AGO3: variants seen among roughly 807,000 people sequenced by gnomAD.
AGO3 encodes protein argonaute-3.
Under a neutral mutation model 105.5 loss-of-function variants are expected in AGO3, and 16 were observed. The ratio of observed to expected loss-of-function variants is 0.15; its 90% confidence interval spans 0.10 to 0.23. The LOEUF is 0.23. AGO3 is among the 10% of genes least tolerant of loss of function. AGO3 has a pLI of 1.00. For synonymous variants in AGO3, 340 were observed against 367.3 expected (o/e 0.93, Z 0.85); for missense variants, 534 against 1,088.0 (o/e 0.49, Z 7.16).
chr1:36,030,932 T>C (rs1641745411), intron 12 of AGO3, among the ~76,000 whole-genome samples: 1 of 152,244 alleles, frequency 6.6e-6, no homozygotes, highest in Non-Finnish European at 1.5e-5. Flanking sequence ...GGTAACATTA[T>C]ACCACTTCTT....
chr1:35,946,567 CTCT>C (rs1237996546), intron 2 of AGO3, among the ~76,000 whole-genome samples: 3 of 152,132 alleles, frequency 2.0e-5, no homozygotes, highest in Admixed American at 1.3e-4. Flanking sequence ...TGATCCCAGC[CTCT>C]TCTTATTCAT....
intron 11 of AGO3, among the ~76,000 whole-genome samples, chr1:36,026,314 G>A (rs1028456963): frequency 2.0e-5 from 3 of 151,900 alleles, no homozygotes; most frequent in African/African-American, 7.3e-5. Flanking sequence ...CGCCATGTTG[G>A]CCAAGCTGGT....
chr1:35,997,169 C>A (rs954827037), intron 5 of AGO3, among the ~76,000 whole-genome samples: 2 of 151,894 alleles, frequency 1.3e-5, no homozygotes, highest in Non-Finnish European at 2.9e-5. Context: ...ATCCCAGCTA[C>A]TTGGGAGGCT....
In AGO3 at chr1:35,968,953, A is replaced by G. The variant is rs1646819477; in HGVS notation, c.312+1878A>G. Among the ~76,000 whole-genome samples the G allele has an allele frequency of 2.0e-5, 3 of 151,468 alleles. No homozygotes were observed. The South Asian group carries it at 6.3e-4, about 32-fold the overall frequency. On this transcript the variant is annotated intron_variant, in intron 3 of 18. Coordinates refer to ENST00000373191, the MANE Select transcript of AGO3 (RefSeq NM_024852.4). ...TAGTAACCATCCTAATGGGCGTGAG[A>G]TGATATCTCATTGTGGTTTTGATTT...
At chr1:35,976,088 A>C (rs2148778630) in intron 5 of AGO3, among the ~76,000 whole-genome samples, 1 of 151,992 alleles carries the variant, frequency 6.6e-6, no homozygotes, top group East Asian at 1.9e-4. Context: ...GGCATGCACC[A>C]CCACACCCAG....
intron 17 of AGO3, among the ~76,000 whole-genome samples, chr1:36,044,936 A>G (rs1351602200): frequency 1.3e-5 from 2 of 152,162 alleles, no homozygotes; most frequent in Non-Finnish European, 2.9e-5. Context: ...GTTACTTGCC[A>G]TTATTGATTA....
chr1:36,018,581 T>C (rs1047128456), intron 11 of AGO3, among the ~76,000 whole-genome samples: 1 of 150,994 alleles, frequency 6.6e-6, no homozygotes, highest in South Asian at 2.1e-4. Flanking sequence ...TACAGGCATG[T>C]GCCACCATGC....
intron 5 of AGO3, among the ~76,000 whole-genome samples, chr1:35,987,134 C>T (rs1236616392): frequency 6.6e-6 from 1 of 151,952 alleles, no homozygotes; most frequent in Non-Finnish European, 1.5e-5. Flanking sequence ...TCAAGACTAG[C>T]TTGGCCATCA....
rs1279302898 is a variant in AGO3 at position 36,056,650 on chromosome 1, CT to C, written c.*906del. The C allele has an allele frequency of 6.6e-6, 1 of 152,036 alleles. No homozygotes were observed. The highest frequency in any genetic ancestry group is 1.5e-5 in the Non-Finnish European group (1 of 68,010). The allele number at this position is 152,036 out of a possible 1,614,324, so 9.4% of individuals were successfully genotyped here. A position where few individuals can be genotyped will look rare whatever the true frequency, so the allele number is the denominator to read the frequency against. On this transcript the variant is annotated 3_prime_UTR_variant, in exon 19 of 19. Coordinates refer to ENST00000373191, the MANE Select transcript of AGO3 (RefSeq NM_024852.4). ...CTTTCTGTGAGAGTGCGTCTCTCCCCTCCCACTCAGAACATACATTTACCAT... is the reference window on the plus strand; with the variant it reads ...CTTTCTGTGAGAGTGCGTCTCTCCCCCCCACTCAGAACATACATTTACCAT...
intron 11 of AGO3, among the ~76,000 whole-genome samples, chr1:36,024,381 C>G (rs1021313600): frequency 6.6e-6 from 1 of 152,154 alleles, no homozygotes; most frequent in Non-Finnish European, 1.5e-5. Flanking sequence ...AAGCAGTCCT[C>G]CTGCCTTGGC....
At chr1:36,051,064 C>G (rs1242788814) in intron 17 of AGO3, among the ~76,000 whole-genome samples, 1 of 152,100 alleles carries the variant, frequency 6.6e-6, no homozygotes, top group African/African-American at 2.4e-5. Flanking sequence ...GTCCACCTAC[C>G]TTGGCCTCCC....
chr1:36,038,252 C>CTTTTTTTTT (rs781058020), intron 14 of AGO3, among the ~76,000 whole-genome samples: 2 of 112,654 alleles, frequency 1.8e-5, no homozygotes, highest in South Asian at 2.7e-4. Context: ...TGGATTTATT[C>CTTTTTTTTT]TTTTTTTTTT....
intron 3 of AGO3, among the ~76,000 whole-genome samples, chr1:35,969,434 T>C (rs538004194): frequency 6.6e-6 from 1 of 152,302 alleles, no homozygotes; most frequent in South Asian, 2.1e-4. Flanking sequence ...TTATTCTTGC[T>C]TGAAAGGATT....
At chr1:35,971,285 G>A (rs1011119507) in intron 3 of AGO3, among the ~76,000 whole-genome samples, 11 of 149,770 alleles carry the variant, frequency 7.3e-5, no homozygotes, top group African/African-American at 2.5e-4. Context: ...TCAGCCTCCC[G>A]AGTAGCTGGG....
At chr1:35,998,575 A>G (rs1468930316) in intron 5 of AGO3, among the ~76,000 whole-genome samples, 2 of 151,916 alleles carry the variant, frequency 1.3e-5, no homozygotes, top group African/African-American at 4.8e-5. Context: ...TTACCCTTAA[A>G]GTTTTTTCTA....
rs543863642 is a variant in AGO3 at position 35,982,482 on chromosome 1, A to G, written c.658+8971A>G. Reference sequence around the variant, plus strand: ...TCAACAAGTTAGAAAAATCACAGAAAATTAAATGCAAAGAGAATAGAAAGA... The same window carrying G: ...TCAACAAGTTAGAAAAATCACAGAAGATTAAATGCAAAGAGAATAGAAAGA... On this transcript the variant is annotated intron_variant, in intron 5 of 18. Coordinates refer to ENST00000373191, the MANE Select transcript of AGO3 (RefSeq NM_024852.4). The G allele has an allele frequency of 2.2e-5, 13 of 596,382 alleles. No individual in the cohort carries two copies. The East Asian group carries it at 3.4e-4, about 16-fold the overall frequency. 36.9% of individuals were successfully genotyped at this position (596,382 alleles called of 1,614,324 possible).
At chr1:36,036,154 C>A in intron 13 of AGO3, 23 bp from the exon 14 acceptor site, 1 of 1,605,958 alleles carries the variant, frequency 6.2e-7, no homozygotes, top group East Asian at 2.2e-5. Flanking sequence ...AAATATCTAA[C>A]CCTTTTTCAA....
chr1:36,003,712 ATATATATAT>A (rs1557678540), intron 5 of AGO3, among the ~76,000 whole-genome samples: 10 of 100,952 alleles, frequency 9.9e-5, no homozygotes, highest in African/African-American at 1.2e-4. Context: ...AAAAAAAAAT[ATATATATAT>A]ATATATATAT....
rs1642923175 is a variant in AGO3, at chr1:36,056,575, T to TATAC, written c.*840_*843dup. 3 of 152,208 alleles carry TATAC rather than the reference T, an allele frequency of 2.0e-5. No individual in the cohort carries two copies. In the South Asian group the frequency reaches 6.2e-4, roughly 32 times the overall value. 9.4% of individuals were successfully genotyped at this position (152,208 alleles called of 1,614,324 possible). ...AGAAACAAAATTTTATATATATATG[T>TATAC]ATACATACATACACAGACACAGACA... On this transcript the variant is annotated 3_prime_UTR_variant, in exon 19 of 19. Coordinates refer to ENST00000373191, the MANE Select transcript of AGO3 (RefSeq NM_024852.4).
Sources: gnomAD v4.1 joint callset for allele counts (sites outside exome capture counted in the v4.1 genomes callset) on GRCh38, gnomAD v4.1.1 for gene constraint, MANE v1.5 for transcripts, NCBI Gene and HGNC (gene_info 2026-07-23, HGNC 2026-07-21) for gene names.